PDLIM5: variants seen among roughly 807,000 people sequenced by gnomAD.
PDLIM5 encodes PDZ and LIM domain 5.
PDLIM5 carries 34 observed loss-of-function variants against 64.2 expected under a neutral mutation model. The ratio of observed to expected loss-of-function variants is 0.53; its 90% CI spans 0.40 to 0.71. PDLIM5 has a LOEUF of 0.71. Ranked by LOEUF, PDLIM5 falls within the 30% of genes least tolerant of loss-of-function variation. The pLI is 0.00. For missense variants in PDLIM5, 683 were observed against 733.6 expected (o/e 0.93, Z 0.80); for synonymous variants, 253 against 269.1 (o/e 0.94, Z 0.59).
intron 2 of PDLIM5, among the ~76,000 whole-genome samples, chr4:94,460,282 A>G (rs72874763): frequency 6.6e-6 from 1 of 152,188 alleles, no homozygotes; most frequent in Non-Finnish European, 1.5e-5. Context: ...TTTCTGCTCT[A>G]TGATTTGTAA....
intron 5 of PDLIM5, among the ~76,000 whole-genome samples, chr4:94,580,039 C>T (rs1735607376): frequency 6.6e-6 from 1 of 152,100 alleles, no homozygotes; most frequent in East Asian, 1.9e-4. Flanking sequence ...AGAAAGTCCA[C>T]ACATCTTTGA....
rs755099642 is a variant in PDLIM5 at position 94,625,455 on chromosome 4, CT to C, written c.1108+7279del. On this transcript the variant is annotated intron_variant, in intron 8 of 12. Transcript: ENST00000317968. Reference sequence around the variant, plus strand: ...TAGTATTTTATCATTTAATATTAGACTTTTTTTTTTTTTTTGAGACAGAGTC... The same window carrying C: ...TAGTATTTTATCATTTAATATTAGACTTTTTTTTTTTTTTGAGACAGAGTC... 4.5e-3 allele frequency among the ~76,000 whole-genome samples: 636 copies of C among 141,620 alleles called. 4 individuals are homozygous for C. Among genetic ancestry groups the C allele is most frequent in the Middle Eastern group, 7.2e-3 (2 of 276 alleles). 92.9% of individuals were successfully genotyped at this position (141,620 alleles called of 152,430 possible).
chr4:94,487,928 A>G (rs1210319088), intron 2 of PDLIM5, among the ~76,000 whole-genome samples: 2 of 152,190 alleles, frequency 1.3e-5, no homozygotes, highest in Admixed American at 6.6e-5. Flanking sequence ...TAATTAGTAT[A>G]TTAGGACTAG....
chr4:94,563,385 C>G (rs1734007496), intron 3 of PDLIM5, among the ~76,000 whole-genome samples: 1 of 152,136 alleles, frequency 6.6e-6, no homozygotes, highest in Non-Finnish European at 1.5e-5. Context: ...TTCCTTGATT[C>G]TTATGAATAA....
At chr4:94,509,050 C>T (rs964122081) in intron 2 of PDLIM5, among the ~76,000 whole-genome samples, 1 of 152,174 alleles carries the variant, frequency 6.6e-6, no homozygotes, top group African/African-American at 2.4e-5. Context: ...GTCATCATCT[C>T]TTGAGAAACT....
rs963358900 is a variant in PDLIM5, at chr4:94,522,991, G to A, written c.97-733G>A. ...AGTATAATATATCTGCTTCTTTTGG[G>A]GCAATGAAATATATACACACGAAAT... On this transcript the variant is annotated intron_variant, in intron 2 of 12. Coordinates refer to ENST00000317968, the MANE Select transcript of PDLIM5 (RefSeq NM_006457.5). Among the ~76,000 whole-genome samples the A allele has an allele frequency of 2.0e-5, 3 of 151,958 alleles. No individual in the cohort carries two copies. In the East Asian group the frequency reaches 5.8e-4, roughly 29 times the overall value.
At chr4:94,663,741 G>A (rs898664904) in intron 12 of PDLIM5, among the ~76,000 whole-genome samples, 1 of 152,138 alleles carries the variant, frequency 6.6e-6, no homozygotes, top group Non-Finnish European at 1.5e-5. Context: ...GTGATGATCA[G>A]TGCTTTCTAT....
intron 3 of PDLIM5, among the ~76,000 whole-genome samples, chr4:94,544,824 A>G (rs1035169318): frequency 1.3e-5 from 2 of 152,182 alleles, no homozygotes; most frequent in Admixed American, 1.3e-4. Context: ...CCCGGCTAAT[A>G]TCTTGTCAGC....
chr4:94,598,885 G>A lies in PDLIM5; in HGVS notation c.920+12441G>A, dbSNP rs554213777. Reference sequence around the variant, plus strand: ...AAAGAGTCAGTCATGAGGATGTGGAGATGTCCTCTCCAGGCAGAAGGAACA... The same window carrying A: ...AAAGAGTCAGTCATGAGGATGTGGAAATGTCCTCTCCAGGCAGAAGGAACA... On this transcript the variant is annotated intron_variant, in intron 7 of 12. Coordinates refer to ENST00000317968, the MANE Select transcript of PDLIM5 (RefSeq NM_006457.5). Among the ~76,000 whole-genome samples the A allele has an allele frequency of 2.6e-5, 4 of 152,146 alleles. No homozygotes were observed. In the East Asian group the frequency reaches 7.7e-4, roughly 29 times the overall value.
intron 2 of PDLIM5, among the ~76,000 whole-genome samples, chr4:94,459,809 A>T (rs927561597): frequency 2.4e-4 from 37 of 152,348 alleles, no homozygotes; most frequent in African/African-American, 8.7e-4. Context: ...GATGAAATTT[A>T]AACACCTCAA....
At chr4:94,649,784 A>G (rs1741697199) in intron 9 of PDLIM5, among the ~76,000 whole-genome samples, 1 of 152,258 alleles carries the variant, frequency 6.6e-6, no homozygotes, top group Non-Finnish European at 1.5e-5. Flanking sequence ...TGCAGATTTT[A>G]TAATAATCTC....
intron 3 of PDLIM5, among the ~76,000 whole-genome samples, chr4:94,566,431 A>G (rs1240180928): frequency 1.3e-5 from 2 of 152,180 alleles, no homozygotes; most frequent in Non-Finnish European, 2.9e-5. Flanking sequence ...TTCTAATAGT[A>G]TATAATCAGA....
intron 2 of PDLIM5, among the ~76,000 whole-genome samples, chr4:94,511,802 G>A (rs1226362600): frequency 6.6e-6 from 1 of 152,056 alleles, no homozygotes; most frequent in African/African-American, 2.4e-5. Flanking sequence ...CAAATGACAG[G>A]ATCTCATTCC....
At position 94,478,890 on chromosome 4, in the gene PDLIM5, GTT is replaced by G. The variant is rs67013211; in HGVS notation, c.96+23532_96+23533del. On this transcript the variant is annotated intron_variant, in intron 2 of 12. Coordinates refer to ENST00000317968, the MANE Select transcript of PDLIM5 (RefSeq NM_006457.5). ...CCAAAAGAAGGTAGGTGTGCTTGGT[GTT>G]TTTTTTTTTTTTTTTTTTTTTTTTT... Among the ~76,000 whole-genome samples the G allele has an allele frequency of 3.4e-3, 322 of 94,060 alleles. 3 individuals are homozygous for G. The highest frequency in any genetic ancestry group is 0.013 in the African/African-American group (293 of 22,336). The allele number at this position is 94,060 out of a possible 152,430, so 61.7% of individuals were successfully genotyped here.
chr4:94,484,516 A>T (rs1013335171), intron 2 of PDLIM5, among the ~76,000 whole-genome samples: 11 of 152,190 alleles, frequency 7.2e-5, no homozygotes, highest in Non-Finnish European at 1.3e-4. Context: ...ACTGAAAATA[A>T]CTTAAGAAAA....
At chr4:94,546,380 T>A (rs2452579) in intron 3 of PDLIM5, among the ~76,000 whole-genome samples, 47 of 152,140 alleles carry the variant, frequency 3.1e-4, no homozygotes, top group Non-Finnish European at 6.5e-4. Flanking sequence ...GAATAGTTGC[T>A]CATTGGAAGT....
intron 3 of PDLIM5, among the ~76,000 whole-genome samples, chr4:94,558,715 C>G (rs1733582706): frequency 1.3e-5 from 2 of 151,072 alleles, no homozygotes; most frequent in Admixed American, 1.3e-4. Flanking sequence ...TGTCGGCTTT[C>G]TGGTTTTTCT....
intron 3 of PDLIM5, among the ~76,000 whole-genome samples, chr4:94,551,550 A>G (rs1166608251): frequency 6.6e-6 from 1 of 152,154 alleles, no homozygotes; most frequent in Non-Finnish European, 1.5e-5. Context: ...TTCACTTCAT[A>G]GCCCATATTT....
intron 8 of PDLIM5, among the ~76,000 whole-genome samples, chr4:94,633,865 G>A (rs886240270): frequency 6.6e-6 from 1 of 152,122 alleles, no homozygotes; most frequent in African/African-American, 2.4e-5. Flanking sequence ...AAGCTACATT[G>A]ATAATACGGC....
Sources: gnomAD v4.1 joint callset for allele counts (sites outside exome capture counted in the v4.1 genomes callset) on GRCh38, gnomAD v4.1.1 for gene constraint, MANE v1.5 for transcripts, NCBI Gene and HGNC (gene_info 2026-07-23, HGNC 2026-07-21) for gene names.